PDHX: variants seen among roughly 807,000 people sequenced by gnomAD.
PDHX encodes the protein pyruvate dehydrogenase complex component X.
Under a neutral mutation model 55.3 loss-of-function variants are expected in PDHX, and 33 were observed. That is an observed-to-expected ratio of 0.60 (90% confidence interval 0.45 to 0.80). PDHX has a LOEUF of 0.80. Ranked by LOEUF, PDHX falls within the 30% of genes least tolerant of loss-of-function variation. The pLI is 0.00. For missense variants in PDHX, 622 were observed against 619.9 expected, an observed-to-expected ratio of 1.00 and a Z score of -0.04; for synonymous variants, 226 against 219.4, an observed-to-expected ratio of 1.03 and a Z score of -0.27.
chr11:34,953,198 A>G (rs1472789921), intron 3 of PDHX, among the ~76,000 whole-genome samples: 1 of 152,234 alleles, frequency 6.6e-6, no homozygotes, highest in Non-Finnish European at 1.5e-5. Flanking sequence ...AAGAGGATAC[A>G]AACAAATGGA....
rs563073439 is a variant in PDHX, at chr11:34,976,013, T to A, written c.965-2111T>A. Among the ~76,000 whole-genome samples, 3 of 152,342 alleles carry A rather than the reference T, an allele frequency of 2.0e-5. No homozygotes were observed. In the East Asian group the frequency reaches 5.8e-4, roughly 29 times the overall value. The stretch of plus-strand genomic sequence containing the variant: ...AAAAAATGAACCCTGGAAACACTCC[T>A]GTAGTTCTCAGATCATACTTGCTTA... On this transcript the variant is annotated intron_variant, in intron 7 of 10. Coordinates refer to ENST00000227868, the MANE Select transcript of PDHX (RefSeq NM_003477.3).
intron 7 of PDHX, among the ~76,000 whole-genome samples, chr11:34,976,946 A>G (rs11032961): frequency 0.1 from 15,341 of 152,110 alleles, 1,623 homozygotes; most frequent in African/African-American, 0.27. Context: ...ATTTGTACAA[A>G]CCAAATCTTT....
chr11:34,969,383 G>A (rs1363430925), intron 6 of PDHX, among the ~76,000 whole-genome samples: 2 of 145,186 alleles, frequency 1.4e-5, no homozygotes, highest in Non-Finnish European at 3.0e-5. Flanking sequence ...TTGCTCTGTC[G>A]CCCAGGCTGG....
intron 3 of PDHX, among the ~76,000 whole-genome samples, chr11:34,956,472 G>A (rs1854908078): frequency 6.6e-6 from 1 of 152,028 alleles, no homozygotes; most frequent in Non-Finnish European, 1.5e-5. Flanking sequence ...CTTATTTAGA[G>A]TAATTGAAAG....
chr11:34,979,946 T>G (rs1374247143), intron 8 of PDHX, among the ~76,000 whole-genome samples: 1 of 151,594 alleles, frequency 6.6e-6, no homozygotes, highest in East Asian at 1.9e-4. Context: ...TTTTCTAGTT[T>G]CATAGAATTC....
intron 2 of PDHX, among the ~76,000 whole-genome samples, chr11:34,938,353 T>A (rs1003288669): frequency 2.0e-5 from 3 of 152,200 alleles, no homozygotes; most frequent in African/African-American, 7.2e-5. Flanking sequence ...TTAAGAAAGA[T>A]ATGTGTAATG....
intron 1 of PDHX, among the ~76,000 whole-genome samples, chr11:34,921,376 C>T (rs1028735851): frequency 2.6e-5 from 4 of 152,104 alleles, no homozygotes; most frequent in South Asian, 2.1e-4. Flanking sequence ...ATGCACGATG[C>T]GCTGTCAGTT....
chr11:34,927,360 CCTT>C (rs1854050548), intron 1 of PDHX, among the ~76,000 whole-genome samples: 1 of 152,026 alleles, frequency 6.6e-6, no homozygotes, highest in African/African-American at 2.4e-5. Context: ...TATCTTAAGG[CCTT>C]CTTAATTTGA....
intron 2 of PDHX, among the ~76,000 whole-genome samples, chr11:34,942,200 C>T (rs543384193): frequency 6.6e-6 from 1 of 151,976 alleles, no homozygotes; most frequent in Non-Finnish European, 1.5e-5. Flanking sequence ...GTAGAAATGA[C>T]AGAATATGGA....
chr11:34,940,031 A>T (rs965319795), intron 2 of PDHX, among the ~76,000 whole-genome samples: 1 of 152,198 alleles, frequency 6.6e-6, no homozygotes, highest in Non-Finnish European at 1.5e-5. Context: ...TGAACTGTCA[A>T]ATCTGTTAAA....
chr11:34,932,570 C>T (rs1397712227), intron 2 of PDHX, among the ~76,000 whole-genome samples: 4 of 152,120 alleles, frequency 2.6e-5, no homozygotes, highest in Non-Finnish European at 5.9e-5. Flanking sequence ...TTAAAAAGTT[C>T]GACAAGCTGT....
upstream of PDHX, chr11:34,916,119 G>A (rs1233623186): frequency 7.0e-6 from 10 of 1,428,554 alleles, no homozygotes; most frequent in Non-Finnish European, 8.4e-6. Flanking sequence ...CCGAAACCCC[G>A]CCCCGCAGCT....
intron 5 of PDHX, among the ~76,000 whole-genome samples, chr11:34,965,679 C>T (rs1855115462): frequency 6.6e-6 from 1 of 152,148 alleles, no homozygotes; most frequent in African/African-American, 2.4e-5. Flanking sequence ...TTCTTCCTAC[C>T]ATGTTGCCAT....
At chr11:34,969,518 A>G (rs941943252) in intron 6 of PDHX, among the ~76,000 whole-genome samples, 1 of 151,760 alleles carries the variant, frequency 6.6e-6, no homozygotes, top group Admixed American at 6.6e-5. Context: ...TAATTTTTGT[A>G]TTCTTAGTAG....
chr11:34,928,457 A>AC, intron 1 of PDHX, among the ~76,000 whole-genome samples: 1 of 127,804 alleles, frequency 7.8e-6, no homozygotes, highest in Middle Eastern at 4.2e-3. Context: ...TTTTTTGCCC[A>AC]CCCCCCTCCT....
intron 6 of PDHX, among the ~76,000 whole-genome samples, 184 bp downstream of exon 6, chr11:34,966,998 C>T (rs1450140907): frequency 2.0e-5 from 3 of 151,924 alleles, no homozygotes; most frequent in Non-Finnish European, 4.4e-5. Context: ...ATTATAGGCA[C>T]GCACCACCAC....
At chr11:34,916,379 C>T (rs538595954), upstream of PDHX, 3 of 1,557,840 alleles carry the variant, frequency 1.9e-6, no homozygotes, top group Non-Finnish European at 2.6e-6. Context: ...CAAATGCAAT[C>T]AGGCGGCGCT....
chr11:34,991,989 T>C (rs1361819463), intron 9 of PDHX, among the ~76,000 whole-genome samples: 2 of 151,910 alleles, frequency 1.3e-5, no homozygotes, highest in Non-Finnish European at 2.9e-5. Context: ...CATAAAGTTT[T>C]ATAGGCAAAA....
At chr11:34,921,360 G>A (rs940616363) in intron 1 of PDHX, among the ~76,000 whole-genome samples, 1 of 152,032 alleles carries the variant, frequency 6.6e-6, no homozygotes, top group African/African-American at 2.4e-5. Flanking sequence ...GGTGATTCAG[G>A]CCTTTATGCA....
Sources: allele counts gnomAD v4.1 joint callset (sites outside exome capture counted in the v4.1 genomes callset), GRCh38; gene constraint gnomAD v4.1.1; transcripts MANE v1.5; gene names NCBI Gene and HGNC (gene_info 2026-07-23, HGNC 2026-07-21).